NFIA: variants seen among roughly 807,000 people sequenced by gnomAD.
The protein encoded by NFIA is nuclear factor I A, also known as nuclear factor 1 A-type.
Under a neutral mutation model 62.8 loss-of-function variants are expected in NFIA, and 8 were observed. That is an observed-to-expected ratio of 0.13 (90% confidence interval 0.07 to 0.23). The LOEUF is 0.23. Among genes scored for constraint, NFIA ranks in the 10% least tolerant of loss-of-function variants. NFIA has a pLI of 1.00. For missense variants in NFIA, 410 were observed against 642.1 expected, an observed-to-expected ratio of 0.64 and a Z score of 3.91; for synonymous variants, 235 against 238.1, an observed-to-expected ratio of 0.99 and a Z score of 0.12.
chr1:61,423,109 T>C (rs1308623895), intron 9 of NFIA, among the ~76,000 whole-genome samples: 2 of 151,948 alleles, frequency 1.3e-5, no homozygotes, highest in East Asian at 1.9e-4. Context: ...TGTGAAGAAA[T>C]ACATTAGAGA....
rs377716711 is a variant in NFIA, at chr1:61,115,136, C to T, written c.559+26456C>T. Among the ~76,000 whole-genome samples the T allele has an allele frequency of 1.7e-4, 26 of 152,258 alleles. No individual in the cohort carries two copies. In the East Asian group the frequency reaches 1.9e-3, roughly 11 times the overall value. ...CTGGGATTACAGGCAAAGGCCACCA[C>T]GCCCAGCTAACTTTTTGTATTTTTA... On this transcript the variant is annotated intron_variant, in intron 2 of 10. Transcript: ENST00000403491.
intron 3 of NFIA, among the ~76,000 whole-genome samples, chr1:61,325,526 A>T (rs1376011847): frequency 1.3e-5 from 2 of 152,230 alleles, no homozygotes; most frequent in African/African-American, 4.8e-5. Context: ...TTAAAGTTAC[A>T]TGGAGTGTTT....
intron 2 of NFIA, among the ~76,000 whole-genome samples, chr1:61,199,583 C>A (rs891156371): frequency 3.3e-5 from 5 of 152,084 alleles, no homozygotes; most frequent in African/African-American, 1.2e-4. Flanking sequence ...TTGCTTCCTT[C>A]CTGGGAAGAA....
chr1:61,235,231 G>A (rs1303608837), intron 2 of NFIA, among the ~76,000 whole-genome samples: 5 of 152,084 alleles, frequency 3.3e-5, no homozygotes, highest in Non-Finnish European at 7.4e-5. Context: ...GGGAGGCCGA[G>A]GCGTGTGGAT....
intron 3 of NFIA, among the ~76,000 whole-genome samples, chr1:61,288,955 G>C (rs925443738): frequency 3.3e-5 from 5 of 152,134 alleles, no homozygotes; most frequent in African/African-American, 1.2e-4. Flanking sequence ...TTTTAGTAGA[G>C]ACGAGGGTCT....
At chr1:61,158,387 T>C (rs1648955771) in intron 2 of NFIA, among the ~76,000 whole-genome samples, 2 of 152,230 alleles carry the variant, frequency 1.3e-5, no homozygotes, top group Admixed American at 1.3e-4. Flanking sequence ...GGAATCCTAC[T>C]ACCCTGATTT....
intron 2 of NFIA, among the ~76,000 whole-genome samples, chr1:61,134,108 CAAAAACA>C: frequency 6.6e-6 from 1 of 152,048 alleles, no homozygotes; most frequent in Admixed American, 6.5e-5. Flanking sequence ...GACTCTGTCT[CAAAAACA>C]AAAAACAAAA....
chr1:61,081,841 G>GGGTGT, upstream of NFIA: 1 of 1,518,866 alleles, frequency 6.6e-7, no homozygotes, highest in Admixed American at 2.0e-5. Flanking sequence ...TATTCCCACA[G>GGGTGT]AAAGCTTCGC....
At chr1:61,384,249 A>G (rs1314466868) in intron 7 of NFIA, among the ~76,000 whole-genome samples, 1 of 152,168 alleles carries the variant, frequency 6.6e-6, no homozygotes, top group African/African-American at 2.4e-5. Flanking sequence ...TTTGACATAT[A>G]CCTGGGGAAA....
At chr1:61,304,616 A>G (rs115778403) in intron 3 of NFIA, among the ~76,000 whole-genome samples, 75 of 152,254 alleles carry the variant, frequency 4.9e-4, no homozygotes, top group Non-Finnish European at 6.2e-4. Context: ...TGGTCCATGG[A>G]AGAGAAACAA....
intron 5 of NFIA, 88 bp from the exon 6 acceptor site, chr1:61,359,059 C>G: frequency 6.4e-7 from 1 of 1,551,798 alleles, no homozygotes; most frequent in Non-Finnish European, 8.7e-7. Context: ...ATTGCTTCCT[C>G]CCTTGGCTTT....
At chr1:61,152,087 A>G (rs1274233399) in intron 2 of NFIA, among the ~76,000 whole-genome samples, 1 of 152,138 alleles carries the variant, frequency 6.6e-6, no homozygotes, top group Non-Finnish European at 1.5e-5. Flanking sequence ...AACATGACCC[A>G]ATGGGGCCAT....
intron 2 of NFIA, among the ~76,000 whole-genome samples, chr1:61,232,854 G>A (rs774693351): frequency 1.3e-4 from 19 of 151,750 alleles, no homozygotes; most frequent in Non-Finnish European, 1.8e-4. Context: ...GGGTACTTAC[G>A]TCACCCCAAG....
chr1:61,331,354 TTGCATG>T (rs1051453400), intron 3 of NFIA, among the ~76,000 whole-genome samples: 101 of 152,314 alleles, frequency 6.6e-4, no homozygotes, highest in African/African-American at 2.4e-3. Context: ...TGGCAACTTT[TTGCATG>T]TGTTTATGTG....
At chr1:61,084,254 G>A (rs1646178534) in intron 1 of NFIA, among the ~76,000 whole-genome samples, 1 of 152,102 alleles carries the variant, frequency 6.6e-6, no homozygotes, top group Admixed American at 6.5e-5. Context: ...TCTAGATTCT[G>A]GATTTATTTC....
chr1:61,170,400 C>T (rs1048855538), intron 2 of NFIA, among the ~76,000 whole-genome samples: 6 of 152,302 alleles, frequency 3.9e-5, no homozygotes, highest in African/African-American at 9.6e-5. Context: ...ACCTTCAAGA[C>T]GCTGTAGGGC....
intron 2 of NFIA, among the ~76,000 whole-genome samples, chr1:61,094,704 T>G (rs773854265): frequency 3.3e-5 from 5 of 152,222 alleles, no homozygotes; most frequent in Non-Finnish European, 7.3e-5. Context: ...TTTGGGTCCC[T>G]GAACTTAACA....
At chr1:61,327,268 T>G (rs1217854718) in intron 3 of NFIA, among the ~76,000 whole-genome samples, 1 of 151,764 alleles carries the variant, frequency 6.6e-6, no homozygotes, top group East Asian at 1.9e-4. Flanking sequence ...ATATTTCATT[T>G]CAGTGACCTT....
intron 2 of NFIA, among the ~76,000 whole-genome samples, chr1:61,128,921 T>TTG (rs1393356881): frequency 8.0e-6 from 1 of 125,648 alleles, no homozygotes; most frequent in African/African-American, 3.0e-5. Context: ...TTATGTTTTT[T>TTG]TTTTTTTTTT....
Sources: gnomAD v4.1 joint callset for allele counts (sites outside exome capture counted in the v4.1 genomes callset) on GRCh38, gnomAD v4.1.1 for gene constraint, MANE v1.5 for transcripts, NCBI Gene and HGNC (gene_info 2026-07-23, HGNC 2026-07-21) for gene names.